Variants in LRMDA observed in about 807,000 individuals in gnomAD.
LRMDA encodes the protein leucine rich melanocyte differentiation associated, also known as leucine-rich melanocyte differentiation-associated protein.
In LRMDA, 18 loss-of-function variants were observed where a neutral mutation model predicts 29.8. The ratio of observed to expected loss-of-function variants is 0.60; its 90% CI spans 0.42 to 0.90. The LOEUF (loss-of-function observed/expected upper bound fraction) is 0.90. Among genes scored for constraint, LRMDA ranks in the 40% least tolerant of loss-of-function variants. LRMDA has a pLI of 0.00. For synonymous variants in LRMDA, 125 were observed against 109.4 expected (o/e 1.14, Z -0.89); for missense variants, 273 against 273.9 (o/e 1.00, Z 0.02).
At chr10:76,011,290 C>T (rs1847773336) in intron 2 of LRMDA, among the ~76,000 whole-genome samples, 1 of 152,206 alleles carries the variant, frequency 6.6e-6, no homozygotes. Context: ...AACAGCCAGT[C>T]AGGAAAGGGG....
At chr10:76,226,524 A>G (rs376834329) in intron 5 of LRMDA, among the ~76,000 whole-genome samples, 17 of 152,314 alleles carry the variant, frequency 1.1e-4, no homozygotes, top group African/African-American at 4.1e-4. Context: ...CAGAGGTTGC[A>G]GTGACCCGAG....
At chr10:75,856,374 A>C (rs538241074) in intron 2 of LRMDA, among the ~76,000 whole-genome samples, 2 of 152,288 alleles carry the variant, frequency 1.3e-5, no homozygotes, top group African/African-American at 4.8e-5. Flanking sequence ...GCAGAGACAC[A>C]ACAAAAAAAG....
chr10:76,046,658 T>C (rs1256367788), intron 3 of LRMDA, among the ~76,000 whole-genome samples: 1 of 152,154 alleles, frequency 6.6e-6, no homozygotes, highest in Admixed American at 6.5e-5. Flanking sequence ...CTAATTTTTG[T>C]ATTTTTAGTA....
At chr10:76,540,153 A>G (rs1317703729) in intron 6 of LRMDA, among the ~76,000 whole-genome samples, 1 of 126,456 alleles carries the variant, frequency 7.9e-6, no homozygotes, top group African/African-American at 3.2e-5. Flanking sequence ...GCCCATATTC[A>G]ACACACATGC....
chr10:75,861,869 G>T (rs1218644100), intron 2 of LRMDA, among the ~76,000 whole-genome samples: 1 of 152,156 alleles, frequency 6.6e-6, no homozygotes, highest in Non-Finnish European at 1.5e-5. Flanking sequence ...TTGCACATTG[G>T]AGCTGGTCTT....
At chr10:75,472,930 T>C (rs183275239) in intron 2 of LRMDA, among the ~76,000 whole-genome samples, 1 of 152,194 alleles carries the variant, frequency 6.6e-6, no homozygotes, top group Non-Finnish European at 1.5e-5. Context: ...GGCTTAGGCA[T>C]TCAGGGTTCA....
At chr10:76,153,053 C>G (rs1193588024) in intron 5 of LRMDA, among the ~76,000 whole-genome samples, 1 of 152,060 alleles carries the variant, frequency 6.6e-6, no homozygotes, top group East Asian at 1.9e-4. Context: ...GTTGGTCATG[C>G]TGGTCTCGAA....
intron 2 of LRMDA, among the ~76,000 whole-genome samples, chr10:75,861,711 T>G (rs1044397088): frequency 6.6e-6 from 1 of 152,212 alleles, no homozygotes; most frequent in African/African-American, 2.4e-5. Flanking sequence ...GGGAAGGTGC[T>G]AGTTATGGTG....
At chr10:75,799,724 T>TGTGTGTG (rs1843716006) in intron 2 of LRMDA, among the ~76,000 whole-genome samples, 1 of 122,848 alleles carries the variant, frequency 8.1e-6, no homozygotes, top group Non-Finnish European at 1.7e-5. Flanking sequence ...GTGTGTGTGT[T>TGTGTGTG]TAGTAGAGAC....
intron 5 of LRMDA, among the ~76,000 whole-genome samples, chr10:76,199,875 A>T (rs773244152): frequency 4.6e-5 from 7 of 151,850 alleles, no homozygotes; most frequent in Non-Finnish European, 8.8e-5. Context: ...GCACATTGAA[A>T]CCTCTTTCTT....
chr10:76,554,327 T>C (rs1843528776), intron 6 of LRMDA, among the ~76,000 whole-genome samples: 3 of 152,302 alleles, frequency 2.0e-5, no homozygotes, highest in African/African-American at 7.2e-5. Context: ...GCAACCCTGA[T>C]GGTGTCTTTT....
intron 2 of LRMDA, among the ~76,000 whole-genome samples, chr10:75,956,550 C>T (rs1846666776): frequency 6.6e-6 from 1 of 152,150 alleles, no homozygotes; most frequent in African/African-American, 2.4e-5. Flanking sequence ...CTACCACCAT[C>T]ACTGTACAAG....
intron 2 of LRMDA, among the ~76,000 whole-genome samples, chr10:75,685,556 C>T (rs1842071326): frequency 6.6e-6 from 1 of 152,234 alleles, no homozygotes; most frequent in African/African-American, 2.4e-5. Context: ...TCTATCTTCT[C>T]ATGTGGTCAT....
At chr10:75,592,418 C>T (rs745649461) in intron 2 of LRMDA, among the ~76,000 whole-genome samples, 1 of 152,228 alleles carries the variant, frequency 6.6e-6, no homozygotes, top group African/African-American at 2.4e-5. Context: ...AAAGTCTTCA[C>T]AGTCTCATTT....
intron 6 of LRMDA, among the ~76,000 whole-genome samples, chr10:76,459,686 C>G (rs1842492671): frequency 6.6e-6 from 1 of 152,134 alleles, no homozygotes; most frequent in Admixed American, 6.6e-5. Flanking sequence ...ATCAGAGATG[C>G]GTGTTTATAA....
chr10:75,555,666 T>C (rs1840203898), intron 2 of LRMDA, among the ~76,000 whole-genome samples: 1 of 152,202 alleles, frequency 6.6e-6, no homozygotes, highest in African/African-American at 2.4e-5. Context: ...GAAGCTGTAG[T>C]TTCTACAACA....
intron 5 of LRMDA, among the ~76,000 whole-genome samples, chr10:76,214,463 G>GCCT (rs1169399847): frequency 6.7e-6 from 1 of 149,440 alleles, no homozygotes; most frequent in Non-Finnish European, 1.5e-5. Flanking sequence ...TCCTGCCTCA[G>GCCT]CCTCCCGAGT....
Position 76,310,023 on chromosome 10 carries a change from G to T in LRMDA, c.517-14378G>T, listed in dbSNP as rs577161389. On this transcript the variant is annotated intron_variant, in intron 5 of 6. Transcript: ENST00000611255. Reference sequence around the variant, plus strand: ...TGATAAATCATGTATGACATGAAAAGACTTTATTCCTTTTAAGTGCAATTT... The same window carrying T: ...TGATAAATCATGTATGACATGAAAATACTTTATTCCTTTTAAGTGCAATTT... Among the ~76,000 whole-genome samples the T allele has an allele frequency of 1.8e-3, 273 of 152,260 alleles. 2 individuals are homozygous for T. Among genetic ancestry groups the T allele is most frequent in the Non-Finnish European group, 1.4e-3 (95 of 68,014 alleles).
In LRMDA at chr10:75,618,513, A is replaced by T. The variant is rs199538616; in HGVS notation, c.131+180019A>T. On this transcript the variant is annotated intron_variant, in intron 2 of 6. Coordinates refer to ENST00000611255, the MANE Select transcript of LRMDA (RefSeq NM_001305581.2). ...TATATATATATCAACCATATATATT[A>T]TATATATATATATATATTTGACTCT... 5.1e-4 allele frequency among the ~76,000 whole-genome samples: 9 copies of T among 17,558 alleles called. 1 individual carries two copies. Among genetic ancestry groups the T allele is most frequent in the South Asian group, 3.5e-3 (3 of 854 alleles). 11.5% of individuals were successfully genotyped at this position (17,558 alleles called of 152,430 possible).
Sources: allele counts gnomAD v4.1 joint callset (sites outside exome capture counted in the v4.1 genomes callset), GRCh38; gene constraint gnomAD v4.1.1; transcripts MANE v1.5; gene names NCBI Gene and HGNC (gene_info 2026-07-23, HGNC 2026-07-21).